The following EIF3L variants were observed in gnomAD, a reference collection of about 807,000 sequenced individuals.
The protein encoded by EIF3L is eukaryotic translation initiation factor 3 subunit L.
A neutral mutation model predicts 74.6 loss-of-function variants in EIF3L; 32 were observed. That is an observed-to-expected ratio of 0.43 (90% confidence interval 0.32 to 0.58). The LOEUF (loss-of-function observed/expected upper bound fraction) is 0.58, where lower values mean the gene tolerates loss of function less well. Among genes scored for constraint, EIF3L ranks in the 20% least tolerant of loss-of-function variants. The pLI is 0.06. For synonymous variants in EIF3L, 256 were observed against 254.4 expected, an observed-to-expected ratio of 1.01 and a Z score of -0.06; for missense variants, 474 against 707.8, an observed-to-expected ratio of 0.67 and a Z score of 3.75.
At chr22:37,865,115 T>C (rs1486468643) in intron 7 of EIF3L, among the ~76,000 whole-genome samples, 4 of 152,110 alleles carry the variant, frequency 2.6e-5, no homozygotes, top group African/African-American at 9.7e-5. Flanking sequence ...CCAGCATTTT[T>C]GGGGTCCAAG....
chr22:37,862,317 C>G (rs1339620786), intron 5 of EIF3L, among the ~76,000 whole-genome samples: 1 of 152,144 alleles, frequency 6.6e-6, no homozygotes, highest in African/African-American at 2.4e-5. Context: ...ATCAGTGGTT[C>G]TCAGATGCAA....
At chr22:37,880,675 A>G (rs765179168) in intron 11 of EIF3L, 2 of 152,110 alleles carry the variant, frequency 1.3e-5, no homozygotes, top group Non-Finnish European at 2.9e-5. Context: ...TTTTTACTTT[A>G]TAGAAACAGG....
chr22:37,873,975 A>G (rs905653576), intron 8 of EIF3L, among the ~76,000 whole-genome samples: 3 of 152,198 alleles, frequency 2.0e-5, no homozygotes, highest in Admixed American at 2.0e-4. Flanking sequence ...TTTACCCAAC[A>G]TAGTGTTTGC....
In EIF3L at chr22:37,859,466, C is replaced by T. The variant is rs144773953; in HGVS notation, c.435+726C>T. Among the ~76,000 whole-genome samples the T allele has an allele frequency of 5.9e-3, 877 of 147,620 alleles. 6 individuals are homozygous for T. The highest frequency in any genetic ancestry group is 0.021 in the African/African-American group (846 of 39,810). ...GCGCGATCTCAGCTCACTGCAGGCT[C>T]CACCTCCCAGGTTCACGCCATTCTC... is the stretch of plus-strand genomic sequence containing the variant. On this transcript the variant is annotated intron_variant, in intron 5 of 12. Transcript: ENST00000652021.
At chr22:37,875,745 G>A in intron 9 of EIF3L, 96 bp from the exon 10 acceptor site, 5 of 1,195,656 alleles carry the variant, frequency 4.2e-6, no homozygotes, top group Non-Finnish European at 5.9e-6. Flanking sequence ...CTGGATAGTT[G>A]AGGGCCTCTG....
chr22:37,851,241 G>T (rs1345627742), intron 2 of EIF3L, 39 bp from the exon 3 acceptor site: 14 of 1,584,436 alleles, frequency 8.8e-6, no homozygotes, highest in Non-Finnish European at 1.2e-5. Context: ...ATATATGTGG[G>T]TTTGAGCATA....
chr22:37,858,646 G>A, intron 4 of EIF3L, 33 bp from the exon 5 acceptor site: 2 of 1,599,782 alleles, frequency 1.3e-6, no homozygotes, highest in Non-Finnish European at 1.7e-6. Context: ...CAGTTTTATG[G>A]TTAGTGAAGC....
chr22:37,884,566 G>T (rs1333227823), intron 11 of EIF3L: 1 of 152,124 alleles, frequency 6.6e-6, no homozygotes, highest in Non-Finnish European at 1.5e-5. Flanking sequence ...TAGCTAGCCC[G>T]ATACAAACAG....
intron 7 of EIF3L, among the ~76,000 whole-genome samples, chr22:37,866,152 G>A (rs1029886626): frequency 6.6e-6 from 1 of 152,160 alleles, no homozygotes; most frequent in Non-Finnish European, 1.5e-5. Context: ...TGTTTCTCAG[G>A]CACTTACATA....
At chr22:37,875,507 T>C (rs1033683426) in intron 9 of EIF3L, among the ~76,000 whole-genome samples, 8 of 152,228 alleles carry the variant, frequency 5.3e-5, no homozygotes, top group Non-Finnish European at 1.0e-4. Context: ...GTTTGGCTCA[T>C]GTGCATGTAT....
intron 11 of EIF3L, chr22:37,880,474 A>C (rs535356671): frequency 1.2e-4 from 18 of 152,204 alleles, no homozygotes; most frequent in African/African-American, 4.3e-4. Flanking sequence ...GTGTGATCTC[A>C]GCTCACTGCA....
At chr22:37,886,578 A>AT (rs1927333068) in intron 11 of EIF3L, 187 bp from the exon 12 acceptor site, 1 of 390,430 alleles carries the variant, frequency 2.6e-6, no homozygotes, top group African/African-American at 2.1e-5. Flanking sequence ...AAAAAAAAAA[A>AT]GAAAAGAAAA....
chr22:37,858,761 GTTT>G, intron 5 of EIF3L, 21 bp downstream of exon 5: 2 of 1,419,540 alleles, frequency 1.4e-6, no homozygotes, highest in Non-Finnish European at 1.9e-6. Flanking sequence ...AAGTGTCGCA[GTTT>G]TTTTTTTGTT....
At chr22:37,874,188 C>G (rs757126041) in intron 8 of EIF3L, among the ~76,000 whole-genome samples, 182 bp from the exon 9 acceptor site, 2 of 152,002 alleles carry the variant, frequency 1.3e-5, no homozygotes, top group Admixed American at 1.3e-4. Flanking sequence ...ATTGGTAAAT[C>G]GAAGATTAGC....
At chr22:37,865,452 C>CT (rs1366667648) in intron 7 of EIF3L, among the ~76,000 whole-genome samples, 2 of 151,726 alleles carry the variant, frequency 1.3e-5, no homozygotes, top group Admixed American at 1.3e-4. Context: ...GAGTGAGACT[C>CT]TGTCTCAAAA....
chr22:37,850,873 A>C (rs1033622160), intron 2 of EIF3L, among the ~76,000 whole-genome samples: 1 of 152,196 alleles, frequency 6.6e-6, no homozygotes, highest in Non-Finnish European at 1.5e-5. Context: ...TATTAGTAGT[A>C]ACTTGGCACA....
At chr22:37,874,296 A>G in intron 8 of EIF3L, 74 bp from the exon 9 acceptor site, 1 of 1,506,906 alleles carries the variant, frequency 6.6e-7, no homozygotes, top group Non-Finnish European at 9.0e-7. Flanking sequence ...ATGCCTACTG[A>G]GTAACATTCA....
At chr22:37,871,664 T>A (rs1461772870) in intron 8 of EIF3L, among the ~76,000 whole-genome samples, 1 of 152,064 alleles carries the variant, frequency 6.6e-6, no homozygotes, top group East Asian at 1.9e-4. Context: ...GGTCAGGAGT[T>A]CAAGACCATC....
At chr22:37,868,665 G>A (rs575700401) in intron 7 of EIF3L, among the ~76,000 whole-genome samples, 681 of 30,386 alleles carry the variant, frequency 0.022, 13 homozygotes, top group African/African-American at 0.073. Flanking sequence ...TTTTTGAGAC[G>A]GAGTTTTGCT....
Sources: gnomAD v4.1 joint callset for allele counts (sites outside exome capture counted in the v4.1 genomes callset) on GRCh38, gnomAD v4.1.1 for gene constraint, MANE v1.5 for transcripts, NCBI Gene and HGNC (gene_info 2026-07-23, HGNC 2026-07-21) for gene names.